Variants in RERE observed in about 807,000 individuals in gnomAD.
The protein encoded by RERE is arginine-glutamic acid dipeptide repeats protein.
In RERE, 40 loss-of-function variants were observed where a neutral mutation model predicts 146.1. The ratio of observed to expected loss-of-function variants is 0.27; its 90% CI spans 0.21 to 0.36. The LOEUF is 0.36. RERE is among the 10% of genes least tolerant of loss of function. The pLI is 1.00. For synonymous variants in RERE, 1,003 were observed against 866.0 expected (o/e 1.16, Z -2.78); for missense variants, 1,933 against 2,138.7 (o/e 0.90, Z 1.90).
chr1:8,423,558 C>A lies in RERE; in HGVS notation c.1204-751G>T, dbSNP rs938205627. On this transcript the variant is annotated intron_variant, in intron 11 of 22. Transcript: ENST00000400908. This position sits in a 1 kb window ranked among gnomAD's most constrained non-coding sequence, Gnocchi z 5.4. ...GGGGCAGCTCCTGGCTCCGAGCCCC[C>A]ACCTCGGGGCTCCCAGCCTGGTCCC... is the stretch of plus-strand genomic sequence containing the variant. 13 of 985,104 alleles carry A rather than the reference C, an allele frequency of 1.3e-5. No homozygotes were observed. In the African/African-American group the frequency reaches 2.3e-4, roughly 17 times the overall value. 61.0% of individuals were successfully genotyped at this position (985,104 alleles called of 1,614,324 possible). A position where few individuals can be genotyped will look rare whatever the true frequency, so the allele number is the denominator to read the frequency against.
chr1:8,366,917 A>C (rs201748156), intron 12 of RERE, among the ~76,000 whole-genome samples: 1,003 of 3,236 alleles, frequency 0.31, 27 homozygotes, highest in East Asian at 0.48. Flanking sequence ...AAAAAAAAAC[A>C]AAAAAAAAAA....
rs529152111 is a variant in RERE at position 8,378,602 on chromosome 1, C to T, written c.1285-12628G>A. 3.9e-5 allele frequency among the ~76,000 whole-genome samples: 6 copies of T among 152,328 alleles called. No individual in the cohort carries two copies. The South Asian group carries it at 1.2e-3, about 32-fold the overall frequency. ...ACAGAAGGAAGACCACGGGAAGACA[C>T]AGGGAGAAGATGGCATCTACAGCCA... is the stretch of plus-strand genomic sequence containing the variant. On this transcript the variant is annotated intron_variant, in intron 12 of 22. Coordinates refer to ENST00000400908, the MANE Select transcript of RERE (RefSeq NM_001042681.2).
chr1:8,783,469 G>A (rs1363357756), intron 1 of RERE, among the ~76,000 whole-genome samples: 2 of 152,130 alleles, frequency 1.3e-5, no homozygotes, highest in African/African-American at 4.8e-5. Flanking sequence ...TATCATGATA[G>A]CCTCCCACCT....
At chr1:8,712,140 G>A (rs1639680347) in intron 1 of RERE, among the ~76,000 whole-genome samples, 1 of 152,096 alleles carries the variant, frequency 6.6e-6, no homozygotes, top group African/African-American at 2.4e-5. Context: ...TAATACATTG[G>A]CTAAAACAAA....
intron 1 of RERE, among the ~76,000 whole-genome samples, chr1:8,671,199 T>C (rs1305348620): frequency 6.6e-6 from 1 of 152,192 alleles, no homozygotes; most frequent in Non-Finnish European, 1.5e-5. Flanking sequence ...CTACTAGGGA[T>C]GAAATATTCA....
chr1:8,361,014 C>T lies in RERE; in HGVS notation c.2493G>A (p.Gly831=). 5 of 1,436,542 alleles carry T rather than the reference C, an allele frequency of 3.5e-6. No individual in the cohort carries two copies. Among genetic ancestry groups the T allele is most frequent in the East Asian group, 2.6e-5 (1 of 39,186 alleles). 89.0% of individuals were successfully genotyped at this position (1,436,542 alleles called of 1,614,324 possible). Residue 831 remains glycine (G), a synonymous_variant, in exon 18 of 23, where the codon GGG becomes GGA. Coordinates refer to ENST00000400908, the MANE Select transcript of RERE (RefSeq NM_001042681.2). ...SPHPPLQPLT[G]SAGQPSAPSH... is the part of the protein sequence containing the mutation. The stretch of plus-strand genomic sequence containing the variant: ...AGGGTGCAGAAGGCTGGCCCGCCGA[C>T]CCAGTCAGAGGCTGCAGCGGGGGAT...
chr1:8,583,634 G>A (rs1053274426), intron 4 of RERE, among the ~76,000 whole-genome samples: 1 of 151,796 alleles, frequency 6.6e-6, no homozygotes, highest in Non-Finnish European at 1.5e-5. Flanking sequence ...GCCAAGGCAG[G>A]GGAGAAACTA....
intron 12 of RERE, among the ~76,000 whole-genome samples, chr1:8,378,923 G>A (rs1235118169): frequency 6.6e-6 from 1 of 152,248 alleles, no homozygotes; most frequent in African/African-American, 2.4e-5. Flanking sequence ...TGCTGGGGGA[G>A]AAGAACAGGT....
chr1:8,708,783 G>C (rs761004208), intron 1 of RERE, among the ~76,000 whole-genome samples: 1 of 151,810 alleles, frequency 6.6e-6, no homozygotes, highest in Non-Finnish European at 1.5e-5. Context: ...CCCAGTCTCT[G>C]GTATGTCTTT....
chr1:8,627,652 G>GTAT (rs200475747), intron 2 of RERE, among the ~76,000 whole-genome samples: 2,280 of 150,572 alleles, frequency 0.015, 60 homozygotes, highest in African/African-American at 0.053. Context: ...CAAAGACTAC[G>GTAT]CATGTTTTTC....
intron 2 of RERE, among the ~76,000 whole-genome samples, chr1:8,646,896 G>A (rs917932218): frequency 2.6e-5 from 4 of 152,154 alleles, no homozygotes; most frequent in Non-Finnish European, 4.4e-5. Context: ...CAAGGTGGGC[G>A]GATAGTGTGA....
chr1:8,780,814 A>G (rs992208297), intron 1 of RERE, among the ~76,000 whole-genome samples: 1 of 152,232 alleles, frequency 6.6e-6, no homozygotes, highest in African/African-American at 2.4e-5. Flanking sequence ...CCTCTTTCAG[A>G]GAATCTTCCA....
At chr1:8,598,622 G>A (rs1486922026) in intron 4 of RERE, among the ~76,000 whole-genome samples, 3 of 152,094 alleles carry the variant, frequency 2.0e-5, no homozygotes, top group East Asian at 1.9e-4. Flanking sequence ...ACTAGAAGTC[G>A]ACCATCTGGA....
chr1:8,371,203 TTC>T (rs1642022452), intron 12 of RERE, among the ~76,000 whole-genome samples: 4 of 152,334 alleles, frequency 2.6e-5, no homozygotes, highest in Admixed American at 2.6e-4. Context: ...ATTTAGCAGA[TTC>T]TCTCTCCTTT....
At chr1:8,659,355 G>A (rs1482963630) in intron 1 of RERE, among the ~76,000 whole-genome samples, 1 of 152,216 alleles carries the variant, frequency 6.6e-6, no homozygotes, top group African/African-American at 2.4e-5. Context: ...TCAGGCGTTC[G>A]AAGCCATCCT....
At chr1:8,664,468 C>T (rs1424776159) in intron 1 of RERE, among the ~76,000 whole-genome samples, 3 of 152,194 alleles carry the variant, frequency 2.0e-5, no homozygotes, top group Non-Finnish European at 1.5e-5. Context: ...CAGATCTCCC[C>T]TTCAGCTTCA....
At chr1:8,757,967 TTC>T (rs1200879838) in intron 1 of RERE, among the ~76,000 whole-genome samples, 1 of 151,466 alleles carries the variant, frequency 6.6e-6, no homozygotes, top group African/African-American at 2.4e-5. Flanking sequence ...TCTAAGAAAA[TTC>T]TGTTACTTGC....
intron 12 of RERE, among the ~76,000 whole-genome samples, chr1:8,391,213 A>C (rs573830289): frequency 2.0e-5 from 3 of 152,376 alleles, no homozygotes; most frequent in African/African-American, 7.2e-5. Flanking sequence ...ATGGACTTTA[A>C]AGCCAGACTG....
intron 12 of RERE, among the ~76,000 whole-genome samples, chr1:8,396,654 A>G (rs1344617781): frequency 2.0e-5 from 3 of 152,224 alleles, no homozygotes; most frequent in Non-Finnish European, 4.4e-5. Flanking sequence ...TTAACTTAAA[A>G]AAATTGTTAT....
Sources: allele counts gnomAD v4.1 joint callset (sites outside exome capture counted in the v4.1 genomes callset), GRCh38; gene constraint gnomAD v4.1.1; non-coding constraint Gnocchi (gnomAD v3.1); transcripts MANE v1.5; gene names NCBI Gene and HGNC (gene_info 2026-07-23, HGNC 2026-07-21).